The following NUP93 variants were observed in gnomAD, a reference collection of about 807,000 sequenced individuals.
NUP93 encodes nuclear pore complex protein Nup93.
NUP93 carries 55 observed loss-of-function variants against 107.8 expected under a neutral mutation model. The ratio of observed to expected loss-of-function variants is 0.51; its 90% CI spans 0.41 to 0.64. The LOEUF (loss-of-function observed/expected upper bound fraction) is 0.64. Ranked by LOEUF, NUP93 falls within the 30% of genes least tolerant of loss-of-function variation. The pLI is 0.00. For missense variants in NUP93, 937 were observed against 1,044.7 expected, an observed-to-expected ratio of 0.90 and a Z score of 1.42; for synonymous variants, 390 against 397.5, an observed-to-expected ratio of 0.98 and a Z score of 0.22.
chr16:56,824,033 G>T (rs1963605981), intron 8 of NUP93, among the ~76,000 whole-genome samples, 187 bp downstream of exon 8: 1 of 152,188 alleles, frequency 6.6e-6, no homozygotes, highest in Non-Finnish European at 1.5e-5. Context: ...TACCAGGACT[G>T]TTTCTGCAGT....
At chr16:56,741,819 T>A (rs1961745255) in intron 1 of NUP93, 8 of 152,232 alleles carry the variant, frequency 5.3e-5, no homozygotes, top group Admixed American at 4.6e-4. Context: ...AATATTTGGG[T>A]ATGTTACTAC....
At chr16:56,733,451 TGAG>T (rs1236383924) in intron 1 of NUP93, among the ~76,000 whole-genome samples, 1 of 152,036 alleles carries the variant, frequency 6.6e-6, no homozygotes, top group African/African-American at 2.4e-5. Context: ...GGCTGAGTGT[TGAG>T]GAGGTGAAAG....
chr16:56,741,095 A>G (rs1191022956), intron 1 of NUP93, among the ~76,000 whole-genome samples: 1 of 152,190 alleles, frequency 6.6e-6, no homozygotes, highest in African/African-American at 2.4e-5. Context: ...AATAAAAAGC[A>G]TATTTGGTAG....
At chr16:56,731,555 G>A (rs1240551575) in intron 1 of NUP93, among the ~76,000 whole-genome samples, 1 of 152,014 alleles carries the variant, frequency 6.6e-6, no homozygotes, top group African/African-American at 2.4e-5. Context: ...TTACAGGCGT[G>A]TACCACCTCA....
chr16:56,790,263 A>G (rs1343063362), intron 3 of NUP93, among the ~76,000 whole-genome samples: 4 of 152,194 alleles, frequency 2.6e-5, no homozygotes, highest in African/African-American at 9.7e-5. Flanking sequence ...ATATATTCTT[A>G]TTTTATTTCA....
chr16:56,825,495 G>A (rs766749165), intron 8 of NUP93, among the ~76,000 whole-genome samples: 33 of 152,100 alleles, frequency 2.2e-4, no homozygotes, highest in Middle Eastern at 3.4e-3. Context: ...GTAAGCCACC[G>A]TGCCTGGCCT....
Position 56,738,945 on chromosome 16 carries a change from CTTTTTTT to C in NUP93, c.-15+8744_-15+8750del, listed in dbSNP as rs35518694. Among the ~76,000 whole-genome samples the C allele has an allele frequency of 1.3e-4, 17 of 131,846 alleles. 1 individual carries two copies. The highest frequency in any genetic ancestry group is 4.3e-4 in the African/African-American group (15 of 34,860). The allele number at this position is 131,846 out of a possible 152,430, so 86.5% of individuals were successfully genotyped here. A position where few individuals can be genotyped will look rare whatever the true frequency, so the allele number is the denominator to read the frequency against. On this transcript the variant is annotated intron_variant, in intron 1 of 21. Coordinates refer to ENST00000308159, the MANE Select transcript of NUP93 (RefSeq NM_014669.5). ...CTGCTTAAAATTAAATGCTAAATTT[CTTTTTTT>C]TTTTTTTTTGCACCGCCCTTAATCC... is the stretch of plus-strand genomic sequence containing the variant.
chr16:56,810,135 G>T (rs1473985347), intron 5 of NUP93, among the ~76,000 whole-genome samples: 3 of 152,170 alleles, frequency 2.0e-5, no homozygotes, highest in Non-Finnish European at 4.4e-5. Flanking sequence ...AGTCCCCTTG[G>T]AAGGGAGTTA....
At position 56,748,319 on chromosome 16, in the gene NUP93, A is replaced by C. The variant is rs754667340; in HGVS notation, c.72A>C (p.Ser24=). The change falls in exon 2 of 22, where the codon TCA becomes TCC. Residue 24 remains serine, a synonymous_variant. Coordinates refer to ENST00000308159, the MANE Select transcript of NUP93 (RefSeq NM_014669.5). ...TTGCTGCTGAGACTGAGGGCATCTC[A>C]GAGCTTCCCCATGTGGAACGGAACT... is the stretch of plus-strand genomic sequence containing the variant. ...EQLAAETEGI[S]ELPHVERNLQ... 3 of 1,613,968 alleles carry C rather than the reference A, an allele frequency of 1.9e-6. No individual in the cohort carries two copies. The highest frequency in any genetic ancestry group is 1.7e-5 in the Admixed American group (1 of 60,018).
chr16:56,763,482 TTGTGTGTGTGTGTGTGGGTGGGTG>T (rs758173224), intron 3 of NUP93, among the ~76,000 whole-genome samples: 2 of 150,348 alleles, frequency 1.3e-5, no homozygotes, highest in Non-Finnish European at 3.0e-5. Context: ...AAGGAACTGC[TTGTGTGTGTGTGTGTGGGTGGGTG>T]TGTGTGTGTA....
At chr16:56,826,169 T>G (rs946634659) in intron 8 of NUP93, among the ~76,000 whole-genome samples, 1 of 152,182 alleles carries the variant, frequency 6.6e-6, no homozygotes, top group Middle Eastern at 3.2e-3. Context: ...GGCATCTGTT[T>G]GTCCTGGCTG....
chr16:56,753,660 T>C (rs1961964906), intron 2 of NUP93, among the ~76,000 whole-genome samples: 1 of 152,144 alleles, frequency 6.6e-6, no homozygotes, highest in Non-Finnish European at 1.5e-5. Flanking sequence ...ATTTAAAGCT[T>C]GAGTAACACT....
At chr16:56,730,791 A>T (rs934977847) in intron 1 of NUP93, among the ~76,000 whole-genome samples, 4 of 152,324 alleles carry the variant, frequency 2.6e-5, no homozygotes, top group South Asian at 4.1e-4. Flanking sequence ...TGCAGAGGCG[A>T]TGCCCAAGTT....
chr16:56,757,231 G>A (rs1962040676), intron 2 of NUP93, among the ~76,000 whole-genome samples: 1 of 152,228 alleles, frequency 6.6e-6, no homozygotes, highest in Non-Finnish European at 1.5e-5. Flanking sequence ...TACATGTGCT[G>A]CCAAATTCTC....
chr16:56,768,529 C>T (rs1423666860), intron 3 of NUP93, among the ~76,000 whole-genome samples: 6 of 150,430 alleles, frequency 4.0e-5, no homozygotes, highest in African/African-American at 1.5e-4. Context: ...CGCCATTGCA[C>T]TCCAGCCTGG....
At position 56,816,922 on chromosome 16, in the gene NUP93, G is replaced by A. The variant is rs148985366; in HGVS notation, c.490-1742G>A. 1.5e-3 allele frequency among the ~76,000 whole-genome samples: 229 copies of A among 152,230 alleles called. 1 individual carries two copies. The highest frequency in any genetic ancestry group is 5.2e-3 in the African/African-American group (218 of 41,566). On this transcript the variant is annotated intron_variant, in intron 5 of 21. Coordinates refer to ENST00000308159, the MANE Select transcript of NUP93 (RefSeq NM_014669.5). ...GAAACATTTACCAGCACACTATTGG[G>A]TACATTTATTCGGTTGGTGCAAAAG...
chr16:56,769,891 GA>G (rs1962288744), intron 3 of NUP93, among the ~76,000 whole-genome samples: 1 of 152,156 alleles, frequency 6.6e-6, no homozygotes, highest in African/African-American at 2.4e-5. Context: ...CCGGAATGTT[GA>G]AATCTTGTAT....
intron 2 of NUP93, among the ~76,000 whole-genome samples, chr16:56,754,646 A>G (rs1961984788): frequency 1.3e-5 from 2 of 152,176 alleles, no homozygotes; most frequent in Non-Finnish European, 2.9e-5. Context: ...GCTAGTGTTG[A>G]GTGCCTGTGG....
intron 5 of NUP93, among the ~76,000 whole-genome samples, chr16:56,808,215 ATG>A (rs1396612328): frequency 9.0e-4 from 102 of 113,720 alleles, no homozygotes; most frequent in African/African-American, 2.8e-3. Context: ...ATATATAGTT[ATG>A]TAACTATATA....
Sources: allele counts gnomAD v4.1 joint callset (sites outside exome capture counted in the v4.1 genomes callset), GRCh38; gene constraint gnomAD v4.1.1; transcripts MANE v1.5; gene names NCBI Gene and HGNC (gene_info 2026-07-23, HGNC 2026-07-21).